The following MBNL1 variants were observed in gnomAD, a reference collection of about 807,000 sequenced individuals.
MBNL1 encodes muscleblind-like protein 1.
Under a neutral mutation model 42.2 loss-of-function variants are expected in MBNL1, and 8 were observed. The observed-to-expected ratio is 0.19, with a 90% CI of 0.11 to 0.34. The LOEUF is 0.34. MBNL1 is among the 10% of genes least tolerant of loss of function. The pLI is 1.00. For synonymous variants in MBNL1, 169 were observed against 173.9 expected (o/e 0.97, Z 0.22); for missense variants, 309 against 495.3 (o/e 0.62, Z 3.57).
chr3:152,412,876 C>T (rs1031849503), intron 2 of MBNL1, among the ~76,000 whole-genome samples: 1 of 152,218 alleles, frequency 6.6e-6, no homozygotes, highest in South Asian at 2.1e-4. Context: ...AGTGAATTCT[C>T]GTGGTGACCA....
intron 2 of MBNL1, among the ~76,000 whole-genome samples, chr3:152,402,580 GA>G (rs1423373934): frequency 2.6e-5 from 4 of 152,194 alleles, no homozygotes; most frequent in Non-Finnish European, 5.9e-5. Context: ...TTAGGATACA[GA>G]TACCTCTAAC....
In MBNL1 at chr3:152,292,543, T is replaced by C. The variant is rs113305212; in HGVS notation, c.-789-6862T>C. 6.2e-3 allele frequency among the ~76,000 whole-genome samples: 942 copies of C among 152,340 alleles called. 5 individuals carry two copies. Among genetic ancestry groups the C allele is most frequent in the Non-Finnish European group, 0.01 (698 of 68,022 alleles). On this transcript the variant is annotated intron_variant, in intron 1 of 9. Transcript: ENST00000324210. ...TGCGTTAGTAAACACAATCTTCCTT[T>C]CTTGGCAGCAGCTAGTCTGAAATGT...
intron 2 of MBNL1, among the ~76,000 whole-genome samples, chr3:152,343,260 G>C (rs779319535): frequency 6.6e-6 from 1 of 152,172 alleles, no homozygotes; most frequent in Non-Finnish European, 1.5e-5. Flanking sequence ...TCAATCTTGT[G>C]TTCTTTCTCT....
At chr3:152,370,106 G>T (rs1377140106) in intron 2 of MBNL1, among the ~76,000 whole-genome samples, 1 of 151,944 alleles carries the variant, frequency 6.6e-6, no homozygotes, top group African/African-American at 2.4e-5. Context: ...ATGGGGTATT[G>T]ATTTTTTATC....
chr3:152,461,012 T>G (rs904628926), intron 9 of MBNL1, among the ~76,000 whole-genome samples: 2 of 152,122 alleles, frequency 1.3e-5, no homozygotes, highest in African/African-American at 4.8e-5. Flanking sequence ...CCCAACAGGA[T>G]CCGTAAACAA....
upstream of MBNL1, chr3:152,267,966 A>C (rs1225814105): frequency 6.6e-6 from 1 of 152,232 alleles, no homozygotes; most frequent in Non-Finnish European, 1.5e-5. Context: ...TTCAAAGGAA[A>C]TCCTGCCCCC....
intron 1 of MBNL1, 114 bp downstream of exon 1, chr3:152,269,206 C>T (rs914127374): frequency 1.3e-5 from 5 of 378,966 alleles, no homozygotes; most frequent in African/African-American, 1.1e-4. Context: ...GCGGTTCTCC[C>T]GGGCAGGGGC....
At chr3:152,427,789 A>G (rs2098953513) in intron 3 of MBNL1, among the ~76,000 whole-genome samples, 1 of 150,620 alleles carries the variant, frequency 6.6e-6, no homozygotes, top group South Asian at 2.1e-4. Flanking sequence ...TAAAAATTAA[A>G]AAAATTTTTT....
chr3:152,371,410 C>T (rs951138996), intron 2 of MBNL1, among the ~76,000 whole-genome samples: 11 of 152,206 alleles, frequency 7.2e-5, no homozygotes, highest in African/African-American at 2.6e-4. Flanking sequence ...CCAGCCTGAC[C>T]AACATGGGAA....
intron 2 of MBNL1, among the ~76,000 whole-genome samples, chr3:152,386,031 T>C (rs2097402269): frequency 6.6e-6 from 1 of 152,076 alleles, no homozygotes; most frequent in African/African-American, 2.4e-5. Flanking sequence ...AAGGATCCTT[T>C]GTAATGATCT....
intron 2 of MBNL1, among the ~76,000 whole-genome samples, chr3:152,329,702 TATATATAATATATATGTC>T (rs1050334548): frequency 2.7e-5 from 4 of 146,926 alleles, no homozygotes; most frequent in African/African-American, 7.4e-5. Flanking sequence ...ATATTATATA[TATATATAATATATATGTC>T]ATATATAATA....
chr3:152,459,713 T>C (rs1319938066), intron 9 of MBNL1, among the ~76,000 whole-genome samples: 1 of 152,066 alleles, frequency 6.6e-6, no homozygotes, highest in Non-Finnish European at 1.5e-5. Flanking sequence ...TTGCAGCTAC[T>C]CTCCTCTGCC....
At chr3:152,276,840 A>G (rs2045515672) in intron 1 of MBNL1, among the ~76,000 whole-genome samples, 1 of 152,184 alleles carries the variant, frequency 6.6e-6, no homozygotes, top group South Asian at 2.1e-4. Context: ...GGTAGGACAC[A>G]TATAGAATGA....
intron 2 of MBNL1, among the ~76,000 whole-genome samples, chr3:152,363,560 AAACT>A (rs1319021144): frequency 6.6e-6 from 1 of 152,192 alleles, no homozygotes. Flanking sequence ...GTCCAGTGTT[AAACT>A]ATTACTATCC....
At position 152,462,887 on chromosome 3, in the gene MBNL1, A is replaced by T. The variant is rs1046246998; in HGVS notation, c.*521A>T. 4 of 152,632 alleles carry T rather than the reference A, an allele frequency of 2.6e-5. No individual in the cohort carries two copies. In the South Asian group the frequency reaches 6.2e-4, roughly 24 times the overall value. The allele number at this position is 152,632 out of a possible 1,614,324, so 9.5% of individuals were successfully genotyped here. A position where few individuals can be genotyped will look rare whatever the true frequency, so the allele number is the denominator to read the frequency against. The stretch of plus-strand genomic sequence containing the variant: ...GCATGCACAGTCATTTTTGTTTAAG[A>T]GTAATATTTTTAATGTAATAGATTG... On this transcript the variant is annotated 3_prime_UTR_variant, in exon 10 of 10. Transcript: ENST00000324210.
chr3:152,421,550 G>T (rs927656903), intron 3 of MBNL1, among the ~76,000 whole-genome samples: 1 of 152,198 alleles, frequency 6.6e-6, no homozygotes, highest in Non-Finnish European at 1.5e-5. Flanking sequence ...CCGCTGATAA[G>T]TTTAAACTGG....
At chr3:152,461,247 A>G (rs16864298) in intron 9 of MBNL1, among the ~76,000 whole-genome samples, 7,185 of 152,296 alleles carry the variant, frequency 0.047, 562 homozygotes, top group African/African-American at 0.17. Flanking sequence ...CAACTGGAGA[A>G]GTACTGCCAA....
At chr3:152,348,367 TA>T (rs1319104018) in intron 2 of MBNL1, among the ~76,000 whole-genome samples, 1 of 152,146 alleles carries the variant, frequency 6.6e-6, no homozygotes, top group African/African-American at 2.4e-5. Flanking sequence ...AGTGAACAAG[TA>T]AATGGATAAA....
chr3:152,429,965 C>G (rs577128126), intron 3 of MBNL1, among the ~76,000 whole-genome samples: 1 of 152,144 alleles, frequency 6.6e-6, no homozygotes, highest in Non-Finnish European at 1.5e-5. Flanking sequence ...CATTTTTAAA[C>G]GCTCCTACCG....
Sources: allele counts gnomAD v4.1 joint callset (sites outside exome capture counted in the v4.1 genomes callset), GRCh38; gene constraint gnomAD v4.1.1; transcripts MANE v1.5; gene names NCBI Gene and HGNC (gene_info 2026-07-23, HGNC 2026-07-21).